The following MCU variants were observed in gnomAD, a reference collection of about 807,000 sequenced individuals.
MCU encodes the protein mitochondrial calcium uniporter.
A neutral mutation model predicts 45.2 loss-of-function variants in MCU; 12 were observed. The ratio of observed to expected loss-of-function variants is 0.27; its 90% CI spans 0.17 to 0.43. MCU has a LOEUF of 0.43. Ranked by LOEUF, MCU falls within the 20% of genes least tolerant of loss-of-function variation. The pLI is 1.00. For missense variants in MCU, 324 were observed against 436.7 expected, an observed-to-expected ratio of 0.74 and a Z score of 2.30; for synonymous variants, 160 against 165.1, an observed-to-expected ratio of 0.97 and a Z score of 0.24.
intron 1 of MCU, among the ~76,000 whole-genome samples, chr10:72,706,736 C>T (rs1209481731): frequency 2.0e-5 from 3 of 151,612 alleles, no homozygotes; most frequent in South Asian, 2.1e-4. Flanking sequence ...GGGGTTTCAC[C>T]ATGTTGGCCA....
At chr10:72,702,112 G>T (rs189137340) in intron 1 of MCU, among the ~76,000 whole-genome samples, 2 of 151,618 alleles carry the variant, frequency 1.3e-5, no homozygotes, top group Non-Finnish European at 2.9e-5. Flanking sequence ...TCATGGTTGG[G>T]GGGGAGGGGG....
intron 1 of MCU, among the ~76,000 whole-genome samples, chr10:72,793,939 G>A (rs898673138): frequency 8.5e-5 from 13 of 152,170 alleles, no homozygotes; most frequent in African/African-American, 3.1e-4. Flanking sequence ...GAGATGGGAT[G>A]TATTGTGATG....
chr10:72,707,248 G>C (rs1031933578), intron 1 of MCU, among the ~76,000 whole-genome samples: 1 of 149,234 alleles, frequency 6.7e-6, no homozygotes, highest in Non-Finnish European at 1.5e-5. Context: ...ACCCATGCTG[G>C]AGGTCAGTGG....
At chr10:72,770,954 G>T (rs1843797696) in intron 1 of MCU, among the ~76,000 whole-genome samples, 1 of 151,964 alleles carries the variant, frequency 6.6e-6, no homozygotes, top group Non-Finnish European at 1.5e-5. Flanking sequence ...TTTTCAGCCT[G>T]AATAGCTTTC....
chr10:72,839,855 T>A (rs1845020919), intron 2 of MCU, among the ~76,000 whole-genome samples: 1 of 149,638 alleles, frequency 6.7e-6, no homozygotes, highest in African/African-American at 2.5e-5. Context: ...TCCCAACTAC[T>A]CAGGAGGCTG....
intron 1 of MCU, among the ~76,000 whole-genome samples, chr10:72,794,687 C>T (rs1174130823): frequency 6.6e-6 from 1 of 152,140 alleles, no homozygotes; most frequent in African/African-American, 2.4e-5. Flanking sequence ...CCGACACCCC[C>T]AAATTTCTAA....
intron 1 of MCU, among the ~76,000 whole-genome samples, chr10:72,815,861 A>G (rs1844617420): frequency 6.6e-6 from 1 of 152,244 alleles, no homozygotes; most frequent in African/African-American, 2.4e-5. Context: ...TACTTTCAGA[A>G]TAGATTATCA....
chr10:72,887,520 T>C lies in MCU; in HGVS notation c.*1698T>C, dbSNP rs1845793049. On this transcript the variant is annotated 3_prime_UTR_variant, in exon 8 of 8. Transcript: ENST00000373053. ...GGGTTTTTAAGAAGAAACAGCACAG[T>C]GCAACGAGCAAATCTTTTTGGGGTG... 6.5e-6 allele frequency: 1 copy of C among 152,742 alleles called. No homozygotes were observed. The highest frequency in any genetic ancestry group is 1.9e-4 in the East Asian group (1 of 5,332). The allele number at this position is 152,742 out of a possible 1,614,324, so 9.5% of individuals were successfully genotyped here.
intron 1 of MCU, among the ~76,000 whole-genome samples, chr10:72,829,783 T>C (rs979130387): frequency 2.0e-4 from 30 of 152,192 alleles, no homozygotes; most frequent in African/African-American, 7.0e-4. Flanking sequence ...TTACAATTGC[T>C]TCCTTGGTTT....
At chr10:72,718,084 T>C (rs1842976335) in intron 1 of MCU, among the ~76,000 whole-genome samples, 2 of 152,312 alleles carry the variant, frequency 1.3e-5, no homozygotes, top group Admixed American at 1.3e-4. Context: ...CCTAGTGTTC[T>C]TTTTCTGTTC....
chr10:72,696,435 C>T (rs1360036567), intron 1 of MCU, among the ~76,000 whole-genome samples: 1 of 151,836 alleles, frequency 6.6e-6, no homozygotes, highest in Non-Finnish European at 1.5e-5. Context: ...TTCTATAATT[C>T]GTTACTAGAA....
intron 1 of MCU, among the ~76,000 whole-genome samples, chr10:72,697,814 C>T (rs1361085759): frequency 6.6e-6 from 1 of 152,096 alleles, no homozygotes; most frequent in Non-Finnish European, 1.5e-5. Flanking sequence ...CTTAACCAGG[C>T]TACAGTGCAG....
At chr10:72,742,357 G>A (rs1048752671) in intron 1 of MCU, among the ~76,000 whole-genome samples, 4 of 152,138 alleles carry the variant, frequency 2.6e-5, no homozygotes, top group Non-Finnish European at 4.4e-5. Context: ...GAAGGAACAC[G>A]GGACTGCACT....
At chr10:72,698,619 C>G (rs1444241221) in intron 1 of MCU, among the ~76,000 whole-genome samples, 1 of 152,180 alleles carries the variant, frequency 6.6e-6, no homozygotes, top group Non-Finnish European at 1.5e-5. Flanking sequence ...ATTCTTCTGC[C>G]TTAGCCTCCC....
chr10:72,820,159 G>A (rs1054111213), intron 1 of MCU, among the ~76,000 whole-genome samples: 2 of 152,120 alleles, frequency 1.3e-5, no homozygotes, highest in African/African-American at 4.8e-5. Context: ...TTTGTGCTGT[G>A]CATGTGAATA....
At chr10:72,732,223 A>G (rs1429302582) in intron 1 of MCU, among the ~76,000 whole-genome samples, 1 of 152,198 alleles carries the variant, frequency 6.6e-6, no homozygotes, top group Non-Finnish European at 1.5e-5. Context: ...CTTTGGAGAA[A>G]TACCTATTCA....
At chr10:72,798,332 C>T (rs1844283554) in intron 1 of MCU, among the ~76,000 whole-genome samples, 1 of 152,188 alleles carries the variant, frequency 6.6e-6, no homozygotes, top group South Asian at 2.1e-4. Context: ...CGCTCTGTTG[C>T]CAAGGCTGGA....
chr10:72,865,166 A>C (rs1845434344), intron 4 of MCU, among the ~76,000 whole-genome samples: 2 of 152,228 alleles, frequency 1.3e-5, no homozygotes, highest in South Asian at 4.1e-4. Flanking sequence ...TTGAATAAGA[A>C]AAGGCAGAAA....
intron 1 of MCU, among the ~76,000 whole-genome samples, chr10:72,830,463 C>T (rs982712875): frequency 4.6e-5 from 7 of 151,918 alleles, no homozygotes; most frequent in South Asian, 2.1e-4. Context: ...TTAAGAGATA[C>T]GGAAGGGGAA....
Sources: allele counts gnomAD v4.1 joint callset (sites outside exome capture counted in the v4.1 genomes callset), GRCh38; gene constraint gnomAD v4.1.1; transcripts MANE v1.5; gene names NCBI Gene and HGNC (gene_info 2026-07-23, HGNC 2026-07-21).